Variants in FUZ observed in about 807,000 individuals in gnomAD.
FUZ encodes fuzzy planar cell polarity protein.
A neutral mutation model predicts 43.1 loss-of-function variants in FUZ; 31 were observed. The observed-to-expected ratio is 0.72, with a 90% CI of 0.54 to 0.97. The LOEUF (loss-of-function observed/expected upper bound fraction) is 0.97. FUZ is among the 50% of genes least tolerant of loss of function. The pLI, the probability that FUZ is intolerant of heterozygous loss-of-function variation, is 0.00. For missense variants in FUZ, 539 were observed against 543.8 expected (o/e 0.99, Z 0.09); for synonymous variants, 274 against 250.0 (o/e 1.10, Z -0.91).
chr19:49,808,998 G>A, intron 7 of FUZ, 165 bp downstream of exon 7: 2 of 869,648 alleles, frequency 2.3e-6, no homozygotes, highest in Admixed American at 2.0e-5. Flanking sequence ...AAGAATAGAG[G>A]CAGAGGCGGG....
chr19:49,812,411 T>C (rs576235337), intron 2 of FUZ, 76 bp from the exon 3 acceptor site: 1 of 1,381,304 alleles, frequency 7.2e-7, no homozygotes, highest in South Asian at 1.2e-5. Context: ...CGCCCATTGA[T>C]CCTAGAACAC....
intron 5 of FUZ, among the ~76,000 whole-genome samples, chr19:49,810,833 G>A (rs1207540130): frequency 1.3e-5 from 2 of 151,602 alleles, no homozygotes; most frequent in Non-Finnish European, 1.5e-5. Flanking sequence ...CTGGATGACA[G>A]AGCAAGACCC....
In FUZ at chr19:49,813,098, C is replaced by A; in HGVS notation, c.9G>T (p.Glu3Asp). MGEEGTGGTVHLL... is the reference protein window; with the variant it reads MGDEGTGGTVHLL... Reference sequence around the variant, plus strand: ...GATGCACAGTGCCGCCCGTCCCCTCCTCCCCCATTTAGGACTCCCACCGCG... The same window carrying A: ...GATGCACAGTGCCGCCCGTCCCCTCATCCCCCATTTAGGACTCCCACCGCG... Residue 3 changes from glutamate to aspartate, a missense_variant, in exon 1 of 11, where the codon GAG (glutamate) becomes GAT (aspartate). Transcript: ENST00000313777. 1.3e-6 allele frequency: 2 copies of A among 1,551,274 alleles called. No homozygotes were observed. Among genetic ancestry groups the A allele is most frequent in the Non-Finnish European group, 1.7e-6 (2 of 1,146,910 alleles).
At position 49,808,824 on chromosome 19, in the gene FUZ, C is replaced by G; in HGVS notation, c.787-1G>C. 6.5e-7 allele frequency: 1 copy of G among 1,546,464 alleles called. No individual in the cohort carries two copies. The highest frequency in any genetic ancestry group is 1.2e-5 in the South Asian group (1 of 84,268). ...GTGGCTGCCACCAGCGCTCCAGAAG[C>G]TGCAGGGGGCGTGGTCATTGTGAGG... is the stretch of plus-strand genomic sequence containing the variant. On this transcript the variant is annotated splice_acceptor_variant, in intron 7 of 10. Transcript: ENST00000313777. LOFTEE classifies it high-confidence loss of function.
intron 3 of FUZ, 101 bp from the exon 4 acceptor site, chr19:49,811,800 C>A (rs1325890489): frequency 9.9e-7 from 1 of 1,007,688 alleles, no homozygotes; most frequent in Non-Finnish European, 1.6e-6. Context: ...GGTCTGGGGA[C>A]TGGGGAGTCA....
chr19:49,810,639 A>G (rs1043860466), intron 5 of FUZ, among the ~76,000 whole-genome samples: 1 of 144,228 alleles, frequency 6.9e-6, no homozygotes, highest in Non-Finnish European at 1.5e-5. Flanking sequence ...AGATTGCGCC[A>G]TTGCACTCCA....
At position 49,810,912 on chromosome 19, in the gene FUZ, G is replaced by A. The variant is rs1295703741; in HGVS notation, c.492+451C>T. 4 of 334,900 alleles carry A rather than the reference G, an allele frequency of 1.2e-5. No homozygotes were observed. The Admixed American group carries it at 1.8e-4, about 15-fold the overall frequency. 20.7% of individuals were successfully genotyped at this position (334,900 alleles called of 1,614,324 possible). ...CGCCTGTCATCCCAGCACTGTGGGAGGCCAAGGCAGGTGGATCACCTGAGG... is the reference window on the plus strand; with the variant it reads ...CGCCTGTCATCCCAGCACTGTGGGAAGCCAAGGCAGGTGGATCACCTGAGG... On this transcript the variant is annotated intron_variant, in intron 5 of 10. Transcript: ENST00000313777.
chr19:49,812,746 G>T lies in FUZ; in HGVS notation c.112-10C>A. 6.2e-7 allele frequency: 1 copy of T among 1,613,396 alleles called. No homozygotes were observed. The highest frequency in any genetic ancestry group is 8.5e-7 in the Non-Finnish European group (1 of 1,180,002). On this transcript the variant is annotated splice_polypyrimidine_tract_variant and intron_variant, in intron 1 of 10. Transcript: ENST00000313777. ...TGACAGAGAACGGGAGCTAAGGAGG[G>T]GTTAGGGACATCAGACAAGAGCACC... is the stretch of plus-strand genomic sequence containing the variant.
intron 1 of FUZ, 28 bp from the exon 2 acceptor site, chr19:49,812,764 A>G (rs1388034703): frequency 3.1e-6 from 5 of 1,611,416 alleles, no homozygotes; most frequent in Middle Eastern, 3.3e-4. Context: ...ACATCAGACA[A>G]GAGCACCCCC....
chr19:49,813,092 C>T lies in FUZ; in HGVS notation c.15G>A (p.Gly5=). The change falls in exon 1 of 11, where the codon GGG becomes GGA. Residue 5 remains glycine, a synonymous_variant. Transcript: ENST00000313777. ...ACAGCAGATGCACAGTGCCGCCCGT[C>T]CCCTCCTCCCCCATTTAGGACTCCC... The part of the protein sequence containing the change: MGEE[G]TGGTVHLLCL... The T allele has an allele frequency of 6.4e-7, 1 of 1,551,354 alleles. No homozygotes were observed. Among genetic ancestry groups the T allele is most frequent in the Non-Finnish European group, 8.7e-7 (1 of 1,146,946 alleles).
At position 49,811,412 on chromosome 19, in the gene FUZ, A is replaced by C; in HGVS notation, c.443T>G (p.Leu148Arg). The C allele has an allele frequency of 6.2e-7, 1 of 1,613,680 alleles. No individual in the cohort carries two copies. Among genetic ancestry groups the C allele is most frequent in the Non-Finnish European group, 8.5e-7 (1 of 1,179,780 alleles). The change falls in exon 5 of 11, where the codon CTG becomes CGG. Residue 148 changes from leucine (L) to arginine (R), a missense_variant. Transcript: ENST00000313777. ...AATCACGCAGTCCACACACTGGGTC[A>C]GGTCCCCGATGAGCTCCGAGTCCCC... is the stretch of plus-strand genomic sequence containing the variant. Reference protein sequence around the residue: ...FLGDSELIGDLTQCVDCVIPP... With the variant: ...FLGDSELIGDRTQCVDCVIPP...
At chr19:49,812,959 C>T (rs1196647410) in intron 1 of FUZ, 37 bp downstream of exon 1, 12 of 1,509,842 alleles carry the variant, frequency 7.9e-6, no homozygotes, top group Admixed American at 5.9e-5. Context: ...AAACACCGAA[C>T]CCCCTTCGGT....
At position 49,809,537 on chromosome 19, in the gene FUZ, G is replaced by A. The variant is rs150642478; in HGVS notation, c.531C>T (p.Thr177=). 3.1e-6 allele frequency: 5 copies of A among 1,601,426 alleles called. No individual in the cohort carries two copies. In the East Asian group the frequency reaches 6.7e-5, roughly 21 times the overall value. Residue 177 remains threonine, a synonymous_variant, in exon 6 of 11, where the codon ACC becomes ACT. Coordinates refer to ENST00000313777, the MANE Select transcript of FUZ (RefSeq NM_025129.5). The surrounding 1 kb of genome is among the most constrained non-coding windows in gnomAD (Gnocchi z 5.1). ...GGCCGGACACCACCAGACTGACGAA[G>A]GTCGTGCCCGCGGCCTCAGCGAACC... ...LSGFAEAAGT[T]FVSLVVSGRV...
At chr19:49,812,227 GAA>G in intron 3 of FUZ, 22 bp downstream of exon 3, 1 of 1,572,428 alleles carries the variant, frequency 6.4e-7, no homozygotes, top group East Asian at 2.2e-5. Flanking sequence ...GGTCTGGGGA[GAA>G]AAGAGGACTG....
chr19:49,813,301 C>G (rs1221705034), upstream of FUZ: 5 of 686,872 alleles, frequency 7.3e-6, no homozygotes, highest in Non-Finnish European at 5.3e-6. Context: ...GCACCTCCCC[C>G]AAACCCATTA....
In FUZ at chr19:49,811,690, CAAG is replaced by C; in HGVS notation, c.325_327del (p.Leu109del). 6.2e-7 allele frequency: 1 copy of C among 1,613,818 alleles called. No homozygotes were observed. Among genetic ancestry groups the C allele is most frequent in the Non-Finnish European group, 8.5e-7 (1 of 1,179,698 alleles). ...ATATTGGTCAGTTCTTCAAGTCCCA[CAAG>C]AAGGACCTAGAAGAATCATATAGGA... On this transcript the variant is annotated inframe_deletion, in exon 4 of 11. Transcript: ENST00000313777.
intron 10 of FUZ, 125 bp downstream of exon 10, chr19:49,808,289 G>T: frequency 1.0e-6 from 1 of 968,604 alleles, no homozygotes; most frequent in South Asian, 1.4e-5. Flanking sequence ...GAAAACCACT[G>T]CCCTATGGCC....
In FUZ at chr19:49,809,590, CA is replaced by C; in HGVS notation, c.493-16del. Reference sequence around the variant, plus strand: ...GAGAGGGCTTCCTGGGTACGGGAGGCAGGAGGACTGGGAGTCAGCAGACAAG... The same window carrying C: ...GAGAGGGCTTCCTGGGTACGGGAGGCGGAGGACTGGGAGTCAGCAGACAAG... On this transcript the variant is annotated splice_polypyrimidine_tract_variant and intron_variant, in intron 5 of 10. Transcript: ENST00000313777. The surrounding 1 kb of genome is among the most constrained non-coding windows in gnomAD (Gnocchi z 5.1). 6.3e-7 allele frequency: 1 copy of C among 1,580,096 alleles called. No individual in the cohort carries two copies.
chr19:49,812,884 C>G, intron 1 of FUZ, 112 bp downstream of exon 1: 8 of 1,345,022 alleles, frequency 5.9e-6, no homozygotes, highest in Non-Finnish European at 8.4e-6. Context: ...TCCATTGCCT[C>G]CTCGGTCCTA....
Sources: gnomAD v4.1 joint callset for allele counts (sites outside exome capture counted in the v4.1 genomes callset) on GRCh38, gnomAD v4.1.1 for gene constraint, Gnocchi (gnomAD v3.1) non-coding constraint, MANE v1.5 for transcripts, NCBI Gene and HGNC (gene_info 2026-07-23, HGNC 2026-07-21) for gene names.